CYGB: variants seen among roughly 807,000 people sequenced by gnomAD.
The protein encoded by CYGB is histoglobin.
In CYGB, 13 loss-of-function variants were observed where a neutral mutation model predicts 20.7. That is an observed-to-expected ratio of 0.63 (90% confidence interval 0.41 to 1.00). CYGB has a LOEUF of 1.00. CYGB is among the 50% of genes least tolerant of loss of function. CYGB has a pLI of 0.00. For missense variants in CYGB, 218 were observed against 257.2 expected, an observed-to-expected ratio of 0.85 and a Z score of 1.04; for synonymous variants, 93 against 107.4, an observed-to-expected ratio of 0.87 and a Z score of 0.83.
chr17:76,550,873 C>T (rs75361256), exon 1 of CYGB: 1 of 152,220 alleles, frequency 6.6e-6, no homozygotes, highest in African/African-American at 2.4e-5. Context: ...TTGCGCCAGG[C>T]GCTGTGCTAA....
chr17:76,538,432 C>T (rs1450526719), upstream of CYGB: 2 of 457,188 alleles, frequency 4.4e-6, no homozygotes, highest in African/African-American at 2.0e-5. Context: ...TTCCGCCCAG[C>T]ACCTCCATGC....
In CYGB at chr17:76,537,669, G is replaced by C. The variant is rs2074935677; in HGVS notation, c.-127C>G. The C allele has an allele frequency of 1.2e-6, 1 of 862,644 alleles. No homozygotes were observed. 53.4% of individuals were successfully genotyped at this position (862,644 alleles called of 1,614,324 possible). ...GCGGGCGGGCGAGGGGTAGAGCGCG[G>C]AGGGAGGGAGCGTGTGTCTGTGCGC... is the stretch of plus-strand genomic sequence containing the variant. On this transcript the variant is annotated 5_prime_UTR_variant, in exon 1 of 4. Coordinates refer to ENST00000293230, the MANE Select transcript of CYGB (RefSeq NM_134268.5).
chr17:76,549,870 A>C (rs947077387), intron 1 of CYGB: 2 of 152,278 alleles, frequency 1.3e-5, no homozygotes, highest in African/African-American at 4.8e-5. Flanking sequence ...TGATAGTGAC[A>C]GAAGGCATCA....
chr17:76,531,528 A>G lies in CYGB; in HGVS notation c.307T>C (p.Ser103Pro), dbSNP rs772408226. ...VENLHDPDKV[S>P]SVLALVGKAH... ...TTCCCCACAAGGGCGAGCACAGAGG[A>G]CACCTTGTCGGGGTCATGCAGGTTC... The change falls in exon 2 of 4, where the codon TCC becomes CCC. Residue 103 changes from serine to proline, a missense_variant. Physicochemically the swap from Ser to Pro is moderately conservative, Grantham distance 74. Around this residue, in one of 2 missense-constraint regions of CYGB, gnomAD observed 152 missense variants for 149.9 expected, o/e 1.01. Coordinates refer to ENST00000293230, the MANE Select transcript of CYGB (RefSeq NM_134268.5). The surrounding 1 kb of genome is among the most constrained non-coding windows in gnomAD (Gnocchi z 7.4). 6.2e-7 allele frequency: 1 copy of G among 1,614,096 alleles called. No homozygotes were observed. Among genetic ancestry groups the G allele is most frequent in the Non-Finnish European group, 8.5e-7 (1 of 1,179,926 alleles).
At position 76,528,964 on chromosome 17, in the gene CYGB, C is replaced by T. The variant is rs1056672511; in HGVS notation, c.540-353G>A. The T allele has an allele frequency of 1.6e-5, 17 of 1,047,814 alleles. No homozygotes were observed. The highest frequency in any genetic ancestry group is 1.2e-4 in the African/African-American group (7 of 59,586). 64.9% of individuals were successfully genotyped at this position (1,047,814 alleles called of 1,614,324 possible). ...ATTCTGAAACGTGGCGCATTCTGTC[C>T]GGCCTGTCTCGTCCCTCCTCGGGCC... On this transcript the variant is annotated intron_variant, in intron 3 of 3. Transcript: ENST00000293230. This position sits in a 1 kb window ranked among gnomAD's most constrained non-coding sequence, Gnocchi z 5.8.
chr17:76,528,574 G>T lies in CYGB; in HGVS notation c.*4C>A. 7.8e-7 allele frequency: 1 copy of T among 1,287,372 alleles called. No homozygotes were observed. The highest frequency in any genetic ancestry group is 9.9e-7 in the Non-Finnish European group (1 of 1,009,790). The allele number at this position is 1,287,372 out of a possible 1,614,324, so 79.7% of individuals were successfully genotyped here. A position where few individuals can be genotyped will look rare whatever the true frequency, so the allele number is the denominator to read the frequency against. On this transcript the variant is annotated 3_prime_UTR_variant, in exon 4 of 4. Transcript: ENST00000293230. This position sits in a 1 kb window ranked among gnomAD's most constrained non-coding sequence, Gnocchi z 5.8. ...TGCCAGGGAGGGGGGTGGAGTTAGG[G>T]GTCCTACGGCCCCGAAGAGGGCAGT... is the stretch of plus-strand genomic sequence containing the variant.
At position 76,531,350 on chromosome 17, in the gene CYGB, C is replaced by A; in HGVS notation, c.375+110G>T. Reference sequence around the variant, plus strand: ...GGGCACTGCCCCTCCCTCTCGCAGCCACTCCGGGGATCACCTCTGTTGCTC... The same window carrying A: ...GGGCACTGCCCCTCCCTCTCGCAGCAACTCCGGGGATCACCTCTGTTGCTC... On this transcript the variant is annotated intron_variant, in intron 2 of 3. Coordinates refer to ENST00000293230, the MANE Select transcript of CYGB (RefSeq NM_134268.5). The surrounding 1 kb of genome is among the most constrained non-coding windows in gnomAD (Gnocchi z 7.4). 7.2e-7 allele frequency: 1 copy of A among 1,382,022 alleles called. No individual in the cohort carries two copies. Among genetic ancestry groups the A allele is most frequent in the Non-Finnish European group, 9.9e-7 (1 of 1,010,920 alleles). 85.6% of individuals were successfully genotyped at this position (1,382,022 alleles called of 1,614,324 possible). A position where few individuals can be genotyped will look rare whatever the true frequency, so the allele number is the denominator to read the frequency against.
chr17:76,536,161 G>C (rs1242273702), intron 1 of CYGB, among the ~76,000 whole-genome samples: 1 of 152,196 alleles, frequency 6.6e-6, no homozygotes, highest in Non-Finnish European at 1.5e-5. Flanking sequence ...GGGCTGCTGA[G>C]ATAGCTGCCC....
intron 1 of CYGB, chr17:76,544,382 C>T (rs1216808683): frequency 2.6e-5 from 12 of 454,802 alleles, no homozygotes; most frequent in Admixed American, 4.7e-5. Flanking sequence ...TGAGGGATGC[C>T]GCAGAGCAGA....
rs748138951 is a variant in CYGB at position 76,528,871 on chromosome 17, A to G, written c.540-260T>C. The G allele has an allele frequency of 4.8e-5, 59 of 1,219,922 alleles. No individual in the cohort carries two copies. Among genetic ancestry groups the G allele is most frequent in the Non-Finnish European group, 5.5e-5 (54 of 980,128 alleles). 75.6% of individuals were successfully genotyped at this position (1,219,922 alleles called of 1,614,324 possible). A position where few individuals can be genotyped will look rare whatever the true frequency, so the allele number is the denominator to read the frequency against. On this transcript the variant is annotated intron_variant, in intron 3 of 3. Transcript: ENST00000293230. This position sits in a 1 kb window ranked among gnomAD's most constrained non-coding sequence, Gnocchi z 5.8. The stretch of plus-strand genomic sequence containing the variant: ...ATGTGAATAATGTCTGTCTTGTGAC[A>G]TAAACTGGGTAAAAAAGTGTTTCAC...
At chr17:76,542,192 C>T (rs1377053395), upstream of CYGB, among the ~76,000 whole-genome samples, 2 of 152,148 alleles carry the variant, frequency 1.3e-5, no homozygotes. Context: ...TGAAATGGGC[C>T]TGGACCTCCT....
At position 76,530,383 on chromosome 17, in the gene CYGB, C is replaced by G. The variant is rs140766782; in HGVS notation, c.539+596G>C. Among the ~76,000 whole-genome samples the G allele has an allele frequency of 1.3e-3, 196 of 152,268 alleles. 1 individual carries two copies. Among genetic ancestry groups the G allele is most frequent in the African/African-American group, 4.6e-3 (190 of 41,554 alleles). ...CTTGAGCCACCTCCTGGGCCCAGAA[C>G]TGGAAGCCCAGCCTCCAGGTCAGCC... is the stretch of plus-strand genomic sequence containing the variant. On this transcript the variant is annotated intron_variant, in intron 3 of 3. Coordinates refer to ENST00000293230, the MANE Select transcript of CYGB (RefSeq NM_134268.5). This position sits in a 1 kb window ranked among gnomAD's most constrained non-coding sequence, Gnocchi z 6.1.
chr17:76,536,306 A>G (rs2074913214), intron 1 of CYGB, among the ~76,000 whole-genome samples: 1 of 152,182 alleles, frequency 6.6e-6, no homozygotes, highest in Non-Finnish European at 1.5e-5. Flanking sequence ...GGCCACAGGG[A>G]GAAGAAGCTG....
In CYGB at chr17:76,530,475, G is replaced by GGT. The variant is rs368452796; in HGVS notation, c.539+502_539+503dup. Among the ~76,000 whole-genome samples, 27 of 151,688 alleles carry GGT rather than the reference G, an allele frequency of 1.8e-4. No homozygotes were observed. The highest frequency in any genetic ancestry group is 3.6e-4 in the African/African-American group (15 of 41,404). On this transcript the variant is annotated intron_variant, in intron 3 of 3. Transcript: ENST00000293230. The surrounding 1 kb of genome is among the most constrained non-coding windows in gnomAD (Gnocchi z 6.1). Reference sequence around the variant, plus strand: ...CCCATGTAGCTTCCTCGTGGGCTGGGGTGTGTGTGTGTGTGTATGTGTCCT... The same window carrying GGT: ...CCCATGTAGCTTCCTCGTGGGCTGGGGTGTGTGTGTGTGTGTGTATGTGTCCT...
At chr17:76,540,689 C>A, upstream of CYGB, 1 of 1,045,328 alleles carries the variant, frequency 9.6e-7, no homozygotes, top group South Asian at 1.3e-5. The surrounding 1 kb of genome is among the most constrained non-coding windows in gnomAD (Gnocchi z 5.0). Context: ...CGTATCCTGG[C>A]CCTTGCCCTA....
At chr17:76,529,044 G>GCCCCCCCCCCC (rs34648121) in intron 3 of CYGB, 1 of 779,744 alleles carries the variant, frequency 1.3e-6, no homozygotes, top group Admixed American at 8.1e-5. Context: ...CAGTCATTGC[G>GCCCCCCCCCCC]CCCCCCCCCC....
upstream of CYGB, chr17:76,538,364 C>T (rs2074947578): frequency 5.4e-5 from 19 of 348,636 alleles, no homozygotes; most frequent in South Asian, 3.7e-4. Context: ...ACCGCCCCGG[C>T]TGTCGGAACT....
In CYGB at chr17:76,546,984, C is replaced by T. The variant is rs571927340; in HGVS notation, c.-53+3878G>A. Reference sequence around the variant, plus strand: ...GGGGCCCAAGTCTCGAGTTGGGGGCCGTGAGGAAATTTTGATTGTGACCTG... The same window carrying T: ...GGGGCCCAAGTCTCGAGTTGGGGGCTGTGAGGAAATTTTGATTGTGACCTG... On this transcript the variant is annotated intron_variant, in intron 1 of 3. Coordinates refer to the CYGB transcript ENST00000589145. This position sits in a 1 kb window ranked among gnomAD's most constrained non-coding sequence, Gnocchi z 4.5. The T allele has an allele frequency of 2.6e-5, 4 of 152,150 alleles. No homozygotes were observed. Among genetic ancestry groups the T allele is most frequent in the Non-Finnish European group, 4.4e-5 (3 of 68,042 alleles). 9.4% of individuals were successfully genotyped at this position (152,150 alleles called of 1,614,324 possible). A position where few individuals can be genotyped will look rare whatever the true frequency, so the allele number is the denominator to read the frequency against.
upstream of CYGB, chr17:76,538,338 G>C (rs1168511698): frequency 6.1e-6 from 2 of 328,798 alleles, no homozygotes; most frequent in Admixed American, 7.7e-5. Flanking sequence ...CACGGGGGTC[G>C]TCCCCCTGCC....
Sources: allele counts gnomAD v4.1 joint callset (sites outside exome capture counted in the v4.1 genomes callset), GRCh38; gene constraint gnomAD v4.1.1; regional missense constraint gnomAD v4.1.1; non-coding constraint Gnocchi (gnomAD v3.1); transcripts MANE v1.5; gene names NCBI Gene and HGNC (gene_info 2026-07-23, HGNC 2026-07-21).